Variants in PARD3B observed in about 807,000 individuals in gnomAD.
The protein encoded by PARD3B is partitioning defective 3 homolog B.
A neutral mutation model predicts 130.2 loss-of-function variants in PARD3B; 103 were observed. The ratio of observed to expected loss-of-function variants is 0.79; its 90% CI spans 0.67 to 0.93. PARD3B has a LOEUF of 0.93. Ranked by LOEUF, PARD3B falls within the 40% of genes least tolerant of loss-of-function variation. PARD3B has a pLI of 0.00. For missense variants in PARD3B, 1,609 were observed against 1,499.2 expected (o/e 1.07, Z -1.21); for synonymous variants, 583 against 553.2 (o/e 1.05, Z -0.76).
intron 2 of PARD3B, among the ~76,000 whole-genome samples, chr2:204,876,252 G>A (rs2045839789): frequency 6.6e-6 from 1 of 152,182 alleles, no homozygotes; most frequent in African/African-American, 2.4e-5. Flanking sequence ...TAATCCAAAA[G>A]CTCATTTCCA....
At chr2:204,778,704 A>C (rs1322902201) in intron 2 of PARD3B, among the ~76,000 whole-genome samples, 1 of 152,040 alleles carries the variant, frequency 6.6e-6, no homozygotes, top group Non-Finnish European at 1.5e-5. Flanking sequence ...ATATATAGTG[A>C]ATCCTCCTTA....
intron 2 of PARD3B, among the ~76,000 whole-genome samples, chr2:204,882,976 G>A (rs2046112152): frequency 6.6e-6 from 1 of 152,126 alleles, no homozygotes; most frequent in Non-Finnish European, 1.5e-5. Flanking sequence ...TCTATGAAAA[G>A]AATGAGCTTC....
chr2:205,205,260 G>A (rs1170520362), intron 15 of PARD3B, among the ~76,000 whole-genome samples: 1 of 152,124 alleles, frequency 6.6e-6, no homozygotes, highest in Non-Finnish European at 1.5e-5. Context: ...TGTTACTGGT[G>A]TATAGGAATG....
chr2:205,047,033 A>G (rs1002673961), intron 3 of PARD3B, among the ~76,000 whole-genome samples: 6 of 152,302 alleles, frequency 3.9e-5, no homozygotes, highest in Middle Eastern at 3.4e-3. Context: ...TATCAGTTCT[A>G]TCTACTTTAG....
intron 18 of PARD3B, among the ~76,000 whole-genome samples, chr2:205,348,503 G>A (rs1407905955): frequency 6.6e-6 from 1 of 152,198 alleles, no homozygotes; most frequent in African/African-American, 2.4e-5. Context: ...GAGAGCAGAT[G>A]GGTTAGGAAA....
At chr2:205,093,530 A>G (rs1702233581) in intron 4 of PARD3B, among the ~76,000 whole-genome samples, 1 of 152,180 alleles carries the variant, frequency 6.6e-6, no homozygotes, top group African/African-American at 2.4e-5. Context: ...GTGTGAAGGT[A>G]TAGATGGCTG....
At chr2:205,493,839 C>T (rs1282309683) in intron 20 of PARD3B, among the ~76,000 whole-genome samples, 1 of 151,976 alleles carries the variant, frequency 6.6e-6, no homozygotes, top group Non-Finnish European at 1.5e-5. Context: ...CTCACTGCAA[C>T]CTCTGCCTCC....
chr2:205,284,122 A>G (rs530904360), intron 16 of PARD3B, among the ~76,000 whole-genome samples: 2 of 152,352 alleles, frequency 1.3e-5, no homozygotes, highest in African/African-American at 4.8e-5. Context: ...ACTTAGTCAC[A>G]TATAAACTGC....
chr2:205,182,871 G>C (rs996977668), intron 13 of PARD3B, among the ~76,000 whole-genome samples: 1 of 152,152 alleles, frequency 6.6e-6, no homozygotes, highest in Non-Finnish European at 1.5e-5. Context: ...AAGGAAGAGA[G>C]AGTGAGGAAG....
At chr2:205,191,075 G>T (rs376698140) in intron 14 of PARD3B, among the ~76,000 whole-genome samples, 4 of 97,730 alleles carry the variant, frequency 4.1e-5, no homozygotes, top group South Asian at 3.0e-4. Flanking sequence ...GAAAGAAATA[G>T]AAAAAAAAAA....
intron 1 of PARD3B, among the ~76,000 whole-genome samples, chr2:204,660,154 T>G (rs1463396946): frequency 6.6e-6 from 1 of 152,216 alleles, no homozygotes; most frequent in Non-Finnish European, 1.5e-5. Context: ...AAGAAGCTAT[T>G]CCACAAATGT....
intron 1 of PARD3B, among the ~76,000 whole-genome samples, chr2:204,634,258 G>C (rs1334335996): frequency 1.3e-5 from 2 of 152,038 alleles, no homozygotes; most frequent in East Asian, 3.9e-4. Context: ...TCTTCCTGTG[G>C]CTGGCCTATT....
At chr2:204,550,208 A>G (rs570408063) in intron 1 of PARD3B, among the ~76,000 whole-genome samples, 2 of 152,340 alleles carry the variant, frequency 1.3e-5, no homozygotes, top group South Asian at 4.1e-4. Context: ...ATCCTCCTGT[A>G]TACTTTAAGT....
intron 18 of PARD3B, among the ~76,000 whole-genome samples, chr2:205,307,276 G>A (rs759565580): frequency 2.0e-5 from 3 of 152,170 alleles, no homozygotes; most frequent in African/African-American, 4.8e-5. Context: ...AAAAATTACA[G>A]AGGATGTCTT....
chr2:205,012,640 C>G (rs984192381), intron 3 of PARD3B, among the ~76,000 whole-genome samples: 1 of 152,210 alleles, frequency 6.6e-6, no homozygotes, highest in Non-Finnish European at 1.5e-5. Flanking sequence ...AAGTACCACT[C>G]ACAGCAAACA....
intron 7 of PARD3B, among the ~76,000 whole-genome samples, 177 bp downstream of exon 7, chr2:205,119,223 A>G (rs574200223): frequency 6.6e-6 from 1 of 152,260 alleles, no homozygotes; most frequent in African/African-American, 2.4e-5. Flanking sequence ...GGTGGCCCAC[A>G]CATGTCTCTG....
chr2:204,566,106 A>G (rs1039870130), intron 1 of PARD3B, among the ~76,000 whole-genome samples: 2 of 152,228 alleles, frequency 1.3e-5, no homozygotes, highest in African/African-American at 4.8e-5. Context: ...GCCAGTGTTG[A>G]ACATAGTTGT....
At chr2:204,839,206 T>C (rs561409337) in intron 2 of PARD3B, among the ~76,000 whole-genome samples, 54 of 152,334 alleles carry the variant, frequency 3.5e-4, no homozygotes, top group African/African-American at 1.2e-3. Flanking sequence ...TGCTTCCTTA[T>C]ATTCAGCTCA....
intron 22 of PARD3B, among the ~76,000 whole-genome samples, chr2:205,574,746 G>A (rs969535460): frequency 9.3e-5 from 14 of 151,294 alleles, no homozygotes; most frequent in African/African-American, 3.4e-4. Flanking sequence ...CCTGGGCTAA[G>A]ATGCATGTGA....
Sources: gnomAD v4.1 joint callset for allele counts (sites outside exome capture counted in the v4.1 genomes callset) on GRCh38, gnomAD v4.1.1 for gene constraint, MANE v1.5 for transcripts, NCBI Gene and HGNC (gene_info 2026-07-23, HGNC 2026-07-21) for gene names.